The following CACNA1A variants were observed in gnomAD, a reference collection of about 807,000 sequenced individuals.
CACNA1A encodes voltage-dependent P/Q-type calcium channel subunit alpha-1A.
In CACNA1A, 57 loss-of-function variants were observed where a neutral mutation model predicts 262.4. That is an observed-to-expected ratio of 0.22 (90% CI 0.18 to 0.27). The LOEUF (loss-of-function observed/expected upper bound fraction) is 0.27. Ranked by LOEUF, CACNA1A falls within the 10% of genes least tolerant of loss-of-function variation. The pLI, the probability that CACNA1A is intolerant of heterozygous loss-of-function variation, is 1.00. For synonymous variants in CACNA1A, 1,431 were observed against 1,419.3 expected, an observed-to-expected ratio of 1.01 and a Z score of -0.18; for missense variants, 2,526 against 3,562.8, an observed-to-expected ratio of 0.71 and a Z score of 7.41.
chr19:13,283,635 C>T (rs1328084877), intron 21 of CACNA1A: 1 of 447,264 alleles, frequency 2.2e-6, no homozygotes, highest in African/African-American at 2.0e-5. Context: ...AAGTTCCTAT[C>T]ACTCCCAAAC....
intron 9 of CACNA1A, 48 bp downstream of exon 9, chr19:13,332,821 T>A (rs2145125658): frequency 1.5e-6 from 2 of 1,298,640 alleles, no homozygotes; most frequent in East Asian, 4.7e-5. Flanking sequence ...CCACAGCTTC[T>A]CCCTTCTCCC....
chr19:13,240,801 C>T (rs2056059399), intron 31 of CACNA1A, among the ~76,000 whole-genome samples: 1 of 150,606 alleles, frequency 6.6e-6, no homozygotes, highest in African/African-American at 2.4e-5. Flanking sequence ...AGTGTGTGCA[C>T]AGTGACTGTG....
intron 38 of CACNA1A, 96 bp downstream of exon 38, chr19:13,224,571 G>A: frequency 1.3e-6 from 1 of 781,268 alleles, no homozygotes; most frequent in Admixed American, 2.1e-5. Flanking sequence ...TGAAGATCCG[G>A]GTGGTGACAG....
chr19:13,361,527 C>G (rs564684679), intron 5 of CACNA1A, among the ~76,000 whole-genome samples: 3 of 152,306 alleles, frequency 2.0e-5, no homozygotes, highest in African/African-American at 7.2e-5. Context: ...TGTGTAAACT[C>G]AAGCTTCCTA....
Position 13,494,760 on chromosome 19 carries a change from GGA to G in CACNA1A, c.293+11170_293+11171del, listed in dbSNP as rs201212440. Among the ~76,000 whole-genome samples the G allele has an allele frequency of 4.1e-3, 627 of 152,248 alleles. 4 individuals carry two copies. Among genetic ancestry groups the G allele is most frequent in the African/African-American group, 0.013 (547 of 41,548 alleles). ...GCACGTCTTACATGGCAGCAGGAGA[GGA>G]GAGAGAGGAAAGAGGCCCACACAAG... is the stretch of plus-strand genomic sequence containing the variant. On this transcript the variant is annotated intron_variant, in intron 1 of 46. Transcript: ENST00000360228.
rs188215888 is a variant in CACNA1A at position 13,376,545 on chromosome 19, A to G, written c.540-4766T>C. Among the ~76,000 whole-genome samples the G allele has an allele frequency of 5.3e-4, 80 of 149,628 alleles. No individual in the cohort carries two copies. The East Asian group carries it at 0.014, about 27-fold the overall frequency. ...TTGAGATCTACTCAGAAAAAAATAT[A>G]TATATAATATATAACACATAATATA... is the stretch of plus-strand genomic sequence containing the variant. On this transcript the variant is annotated intron_variant, in intron 3 of 46. Transcript: ENST00000360228.
chr19:13,462,267 G>T (rs2061136833), intron 1 of CACNA1A, among the ~76,000 whole-genome samples: 1 of 152,086 alleles, frequency 6.6e-6, no homozygotes, highest in Non-Finnish European at 1.5e-5. Context: ...CTCCACTATG[G>T]GGACTGCTGA....
rs2058055329 is a variant in CACNA1A, at chr19:13,312,568, T to C, written c.1668+101A>G. The C allele has an allele frequency of 6.3e-5, 43 of 685,392 alleles. 1 individual carries two copies. In the South Asian group the frequency reaches 7.8e-4, roughly 12 times the overall value. 42.5% of individuals were successfully genotyped at this position (685,392 alleles called of 1,614,324 possible). The stretch of plus-strand genomic sequence containing the variant: ...CTTCTGCATCCATCTGAGTCTCTCA[T>C]ATTCAGGGGTGACTTTACCTTTCTC... On this transcript the variant is annotated intron_variant, in intron 12 of 46. Transcript: ENST00000360228.
chr19:13,209,369 C>T lies in CACNA1A; in HGVS notation c.6469G>A (p.Asp2157Asn), dbSNP rs1042634748. Residue 2157 changes from aspartate to asparagine, a missense_variant, in exon 45 of 47, where the codon GAC becomes AAC. By Grantham distance (23) the Asp-to-Asn change is conservative. Coordinates refer to ENST00000360228, the MANE Select transcript of CACNA1A (RefSeq NM_001127222.2). ...CGCTCAGAGGCGCGGTGGCTGCGGT[C>T]GCGGCGCCGCTGGTGGTGCCGCTGG... ...ENQRHHQRRR[D>N]RSHRASERSL... 12 of 1,385,168 alleles carry T rather than the reference C, an allele frequency of 8.7e-6. No individual in the cohort carries two copies. Among genetic ancestry groups the T allele is most frequent in the African/African-American group, 3.0e-5 (2 of 66,976 alleles). 85.8% of individuals were successfully genotyped at this position (1,385,168 alleles called of 1,614,324 possible). A position where few individuals can be genotyped will look rare whatever the true frequency, so the allele number is the denominator to read the frequency against.
chr19:13,409,936 C>A (rs115923362), intron 3 of CACNA1A, among the ~76,000 whole-genome samples: 1 of 152,192 alleles, frequency 6.6e-6, no homozygotes, highest in East Asian at 1.9e-4. Context: ...TATAAATTGT[C>A]CTTGATAAAC....
At chr19:13,231,430 G>A (rs770253571) in intron 35 of CACNA1A, among the ~76,000 whole-genome samples, 19 of 152,120 alleles carry the variant, frequency 1.2e-4, no homozygotes, top group Admixed American at 4.6e-4. Flanking sequence ...CACAACAGGA[G>A]GAACGGGTGG....
chr19:13,327,001 A>T (rs752550375), intron 10 of CACNA1A, among the ~76,000 whole-genome samples: 1 of 151,204 alleles, frequency 6.6e-6, no homozygotes, highest in African/African-American at 2.4e-5. Context: ...CAGGTGATCC[A>T]CCTCAGCCTC....
chr19:13,417,654 C>T (rs578136475), intron 3 of CACNA1A, among the ~76,000 whole-genome samples: 6 of 152,114 alleles, frequency 3.9e-5, no homozygotes, highest in East Asian at 1.9e-4. Flanking sequence ...TTTGGGAGAC[C>T]GAGGCGGGTG....
intron 10 of CACNA1A, among the ~76,000 whole-genome samples, chr19:13,321,096 C>T (rs147580967): frequency 1.3e-4 from 20 of 149,910 alleles, no homozygotes; most frequent in African/African-American, 4.4e-4. Flanking sequence ...TGCAGTGGCA[C>T]GATCTTGGCT....
chr19:13,234,333 G>C (rs1044559118), intron 34 of CACNA1A, among the ~76,000 whole-genome samples: 2 of 114,166 alleles, frequency 1.8e-5, no homozygotes, highest in African/African-American at 3.5e-5. Flanking sequence ...CTGGGGAACA[G>C]AGCGAGACTC....
At chr19:13,216,714 C>T (rs1040364743) in intron 38 of CACNA1A, among the ~76,000 whole-genome samples, 10 of 150,720 alleles carry the variant, frequency 6.6e-5, no homozygotes, top group Non-Finnish European at 1.0e-4. Flanking sequence ...ATCTATCGAT[C>T]GACAGGGACT....
intron 21 of CACNA1A, chr19:13,284,306 C>T (rs925250482): frequency 6.6e-6 from 1 of 152,170 alleles, no homozygotes; most frequent in Non-Finnish European, 1.5e-5. Context: ...ATAAGTGTTT[C>T]CTTAGTAAAA....
chr19:13,346,619 T>A (rs2058768732), intron 6 of CACNA1A, among the ~76,000 whole-genome samples: 1 of 3,772 alleles, frequency 2.7e-4, no homozygotes, highest in Non-Finnish European at 4.4e-4. Context: ...TAATTGATTA[T>A]ATATATATAT....
At position 13,208,952 on chromosome 19, in the gene CACNA1A, C is replaced by T. The variant is rs373192655; in HGVS notation, c.6584G>A (p.Arg2195Gln). 339 of 1,537,592 alleles carry T rather than the reference C, an allele frequency of 2.2e-4. 1 individual carries two copies. The East Asian group carries it at 6.2e-3, about 28-fold the overall frequency. ...TQSGDLPSKE[R>Q]DQERGRPKDR... ...CTTGGGCCGGCCCCGCTCCTGGTCC[C>T]GCTCCTTCGACGGCAGGTCCCCGGA... Residue 2195 changes from arginine (R) to glutamine (Q), a missense_variant, in exon 46 of 47, where the codon CGG becomes CAG. Physicochemically the swap from Arg to Gln is conservative, Grantham distance 43. Around this residue, in one of 17 missense-constraint regions of CACNA1A, gnomAD observed 929 missense variants for 868.1 expected, o/e 1.07. Coordinates refer to ENST00000360228, the MANE Select transcript of CACNA1A (RefSeq NM_001127222.2).
Sources: gnomAD v4.1 joint callset for allele counts (sites outside exome capture counted in the v4.1 genomes callset) on GRCh38, gnomAD v4.1.1 for gene constraint, gnomAD v4.1.1 regional missense constraint, MANE v1.5 for transcripts, NCBI Gene and HGNC (gene_info 2026-07-23, HGNC 2026-07-21) for gene names.